FAM186B: variants seen among roughly 807,000 people sequenced by gnomAD.
The protein encoded by FAM186B is family with sequence similarity 186 member B, also known as protein FAM186B.
A neutral mutation model predicts 83.4 loss-of-function variants in FAM186B; 68 were observed. The ratio of observed to expected loss-of-function variants is 0.81; its 90% CI spans 0.67 to 1.00. The LOEUF (loss-of-function observed/expected upper bound fraction) is 1.00, where lower values mean the gene tolerates loss of function less well. Among genes scored for constraint, FAM186B ranks in the 50% least tolerant of loss-of-function variants. The pLI, the probability that FAM186B is intolerant of heterozygous loss-of-function variation, is 0.00. For synonymous variants in FAM186B, 389 were observed against 422.0 expected (o/e 0.92, Z 0.96); for missense variants, 983 against 1,099.2 (o/e 0.89, Z 1.49).
chr12:49,618,189 A>G, the FAM186B span, among the ~76,000 whole-genome samples: 2 of 152,146 alleles, frequency 1.3e-5, no homozygotes, highest in East Asian at 1.9e-4. Context: ...TACTAAAAAT[A>G]CAAAAATTAG....
At chr12:49,609,713 G>A (rs368053323), upstream of FAM186B, among the ~76,000 whole-genome samples, 16 of 152,316 alleles carry the variant, frequency 1.1e-4, no homozygotes, top group South Asian at 6.2e-4. Flanking sequence ...GGCCAAGGAG[G>A]TTTCCCAACT....
downstream of FAM186B, chr12:49,583,106 G>A (rs185209839): frequency 6.1e-5 from 28 of 455,652 alleles, no homozygotes; most frequent in African/African-American, 5.0e-4. Context: ...ACAGTGCCAA[G>A]AGCCTGTGAA....
rs1173252760 is a variant in FAM186B, at chr12:49,588,683, G to A, written c.2365-60C>T. ...GGAAGTTATCTCCTCTCTAGGTCGT[G>A]AGGAGGCTTTGTCTGTTTGTTGGTG... On this transcript the variant is annotated intron_variant, in intron 5 of 6. Coordinates refer to ENST00000257894, the MANE Select transcript of FAM186B (RefSeq NM_032130.3). The A allele has an allele frequency of 3.3e-6, 5 of 1,505,072 alleles. No individual in the cohort carries two copies. In the African/African-American group the frequency reaches 6.9e-5, roughly 21 times the overall value. The allele number at this position is 1,505,072 out of a possible 1,614,324, so 93.2% of individuals were successfully genotyped here. A position where few individuals can be genotyped will look rare whatever the true frequency, so the allele number is the denominator to read the frequency against.
chr12:49,604,530 A>C lies in FAM186B; in HGVS notation c.105T>G (p.Ser35=). The C allele has an allele frequency of 6.2e-7, 1 of 1,613,984 alleles. No individual in the cohort carries two copies. The highest frequency in any genetic ancestry group is 8.5e-7 in the Non-Finnish European group (1 of 1,179,798). Residue 35 remains serine (S), a synonymous_variant, in exon 2 of 7, where the codon TCT becomes TCG. Transcript: ENST00000257894. ...TGTCCAAAATGTCTGAGAGCTGGGT[A>C]GAAATATCCTATAGAGAAGCAGCAG... ...AQLTRAQEDI[S]TQLSDILDNV...
the FAM186B span, among the ~76,000 whole-genome samples, chr12:49,613,049 T>G: frequency 1.4e-4 from 22 of 152,186 alleles, no homozygotes; most frequent in Non-Finnish European, 2.6e-4. Context: ...CACACCTCAG[T>G]GGCATAAAAA....
rs1939958741 is a variant in FAM186B, at chr12:49,604,207, T to C, written c.322+106A>G. 1.4e-5 allele frequency: 12 copies of C among 832,768 alleles called. 1 individual carries two copies. In the South Asian group the frequency reaches 2.0e-4, roughly 14 times the overall value. 51.6% of individuals were successfully genotyped at this position (832,768 alleles called of 1,614,324 possible). ...TGGAGGTGATGTGCTGTGACACGAG[T>C]GGTGGAATGCTTCACTGGAGAAGGG... On this transcript the variant is annotated intron_variant, in intron 2 of 6. Coordinates refer to ENST00000257894, the MANE Select transcript of FAM186B (RefSeq NM_032130.3).
Position 49,600,716 on chromosome 12 carries a change from G to T in FAM186B, c.924C>A (p.Leu308=). 1 of 1,614,160 alleles carries T rather than the reference G, an allele frequency of 6.2e-7. No individual in the cohort carries two copies. The highest frequency in any genetic ancestry group is 1.1e-5 in the South Asian group (1 of 91,072). ...GGAACTCCAAGGCCTGCTTCATCAGGAGAAGGTCATGGTACCTTCCCCCTA... is the reference window on the plus strand; with the variant it reads ...GGAACTCCAAGGCCTGCTTCATCAGTAGAAGGTCATGGTACCTTCCCCCTA... ...EILGGRYHDL[L]LMKQALEFQL... is the part of the protein sequence containing the mutation. The change falls in exon 4 of 7, where the codon CTC becomes CTA. Residue 308 remains leucine, a synonymous_variant. Coordinates refer to ENST00000257894, the MANE Select transcript of FAM186B (RefSeq NM_032130.3). This position sits in a 1 kb window ranked among gnomAD's most constrained non-coding sequence, Gnocchi z 4.3.
intron 5 of FAM186B, chr12:49,595,429 A>C: frequency 1.9e-6 from 1 of 512,940 alleles, no homozygotes; most frequent in South Asian, 1.5e-5. Context: ...CCTTATAGCC[A>C]CTATCTGTGC....
chr12:49,596,026 T>C (rs1039012233), intron 5 of FAM186B, among the ~76,000 whole-genome samples: 1 of 152,092 alleles, frequency 6.6e-6, no homozygotes, highest in African/African-American at 2.4e-5. Context: ...CAGCGAAATG[T>C]GACGATCACT....
chr12:49,616,227 A>G, the FAM186B span, among the ~76,000 whole-genome samples: 1 of 152,142 alleles, frequency 6.6e-6, no homozygotes, highest in Non-Finnish European at 1.5e-5. Context: ...ATGGGGTTTC[A>G]CCATGATGGC....
chr12:49,598,938 C>G lies in FAM186B; in HGVS notation c.2181G>C (p.Ala727=), dbSNP rs200474377. The change falls in exon 5 of 7, where the codon GCG becomes GCC. Residue 727 remains alanine (A), a synonymous_variant. Transcript: ENST00000257894. ...CTTTCATGATTTGTACATGGTTGAT[C>G]GCTTCTTGCCTGGGAAAAGAGGAGA... is the stretch of plus-strand genomic sequence containing the variant. ...YRRLQSLRQE[A]INHVQIMKET... The G allele has an allele frequency of 3.1e-6, 5 of 1,613,526 alleles. No individual in the cohort carries two copies. In the East Asian group the frequency reaches 6.7e-5, roughly 22 times the overall value.
chr12:49,595,456 A>C, intron 5 of FAM186B: 1 of 485,078 alleles, frequency 2.1e-6, no homozygotes, highest in Middle Eastern at 3.6e-4. Flanking sequence ...TACTGCTCTG[A>C]TGGCTCATGA....
chr12:49,587,445 G>A (rs1939469225), downstream of FAM186B: 8 of 1,010,428 alleles, frequency 7.9e-6, no homozygotes, highest in Admixed American at 2.3e-5. Context: ...TACAGCCGCC[G>A]AGCAAAGGAA....
chr12:49,617,620 T>C, the FAM186B span, among the ~76,000 whole-genome samples: 1 of 152,224 alleles, frequency 6.6e-6, no homozygotes, highest in South Asian at 2.1e-4. Flanking sequence ...TATAAAGTCA[T>C]TTAATGTCAA....
the FAM186B span, among the ~76,000 whole-genome samples, chr12:49,616,589 G>C: frequency 6.7e-4 from 102 of 152,216 alleles, no homozygotes; most frequent in African/African-American, 2.3e-3. Flanking sequence ...AATTTCAAAA[G>C]CATTATACTA....
Position 49,599,779 on chromosome 12 carries a change from G to A in FAM186B, c.1861C>T (p.Arg621Trp), listed in dbSNP as rs139362702. The A allele has an allele frequency of 4.8e-5, 77 of 1,614,038 alleles. No homozygotes were observed. The African/African-American group carries it at 6.7e-4, about 14-fold the overall frequency. Residue 621 changes from arginine to tryptophan, a missense_variant, in exon 4 of 7, where the codon CGG (arginine) becomes TGG (tryptophan). Arg to Trp is a moderately radical substitution (Grantham distance 101). Coordinates refer to ENST00000257894, the MANE Select transcript of FAM186B (RefSeq NM_032130.3). ...MSSVEFTYRP[R>W]TRRVPTKPKK... ...GGCTTTGTGGGAACTCGGCGGGTCC[G>A]TGGTCTGTAGGTAAACTCCACTGAA... is the stretch of plus-strand genomic sequence containing the variant.
At chr12:49,622,462 G>A in the FAM186B span, among the ~76,000 whole-genome samples, 6 of 152,222 alleles carry the variant, frequency 3.9e-5, no homozygotes, top group Non-Finnish European at 8.8e-5. Flanking sequence ...AACCCTGATT[G>A]TGCCACTGCA....
chr12:49,619,950 G>A, the FAM186B span, among the ~76,000 whole-genome samples: 3 of 152,010 alleles, frequency 2.0e-5, no homozygotes, highest in African/African-American at 7.2e-5. Context: ...AAAGTGCTGG[G>A]ATTACAGGCA....
the FAM186B span, among the ~76,000 whole-genome samples, chr12:49,615,979 T>G: frequency 0.11 from 17,363 of 151,910 alleles, 1,129 homozygotes; most frequent in African/African-American, 0.18. Context: ...GTGAAACTCT[T>G]ATATGGTATA....
Sources: allele counts gnomAD v4.1 joint callset (sites outside exome capture counted in the v4.1 genomes callset), GRCh38; gene constraint gnomAD v4.1.1; non-coding constraint Gnocchi (gnomAD v3.1); transcripts MANE v1.5; gene names NCBI Gene and HGNC (gene_info 2026-07-23, HGNC 2026-07-21).